HECTD4: variants seen among roughly 807,000 people sequenced by gnomAD.
HECTD4 encodes the protein HECT domain E3 ubiquitin protein ligase 4.
A neutral mutation model predicts 471.5 loss-of-function variants in HECTD4; 114 were observed. That is an observed-to-expected ratio of 0.24 (90% CI 0.21 to 0.28). The LOEUF (loss-of-function observed/expected upper bound fraction) is 0.28. Among genes scored for constraint, HECTD4 ranks in the 10% least tolerant of loss-of-function variants. The pLI, the probability that HECTD4 is intolerant of heterozygous loss-of-function variation, is 1.00. For missense variants in HECTD4, 3,866 were observed against 5,651.5 expected, an observed-to-expected ratio of 0.68 and a Z score of 10.13; for synonymous variants, 2,012 against 2,256.0, an observed-to-expected ratio of 0.89 and a Z score of 3.07.
chr12:112,162,952 C>T lies in HECTD4; in HGVS notation c.13120+90G>A. 1 of 1,058,574 alleles carries T rather than the reference C, an allele frequency of 9.4e-7. No individual in the cohort carries two copies. The highest frequency in any genetic ancestry group is 1.4e-6 in the Non-Finnish European group (1 of 714,224). The allele number at this position is 1,058,574 out of a possible 1,614,324, so 65.6% of individuals were successfully genotyped here. ...GCACGTGGGGCTCCTGTTCATTGTT[C>T]TCCCTTCACATGGGGCCTGGCAGCC... On this transcript the variant is annotated intron_variant, in intron 75 of 75. Coordinates refer to ENST00000682272, the MANE Select transcript of HECTD4 (RefSeq NM_001388303.1). This position sits in a 1 kb window ranked among gnomAD's most constrained non-coding sequence, Gnocchi z 5.2.
intron 51 of HECTD4, among the ~76,000 whole-genome samples, 166 bp downstream of exon 51, chr12:112,208,328 G>A (rs1259348468): frequency 6.6e-6 from 1 of 152,220 alleles, no homozygotes; most frequent in Non-Finnish European, 1.5e-5. Flanking sequence ...TAGGGGTTTA[G>A]AAAAATTAAC....
rs373999906 is a variant in HECTD4, at chr12:112,290,239, G to C, written c.1336-6937C>G. 1.4e-3 allele frequency among the ~76,000 whole-genome samples: 210 copies of C among 151,516 alleles called. 4 individuals carry two copies. In the South Asian group the frequency reaches 0.017, roughly 12 times the overall value. On this transcript the variant is annotated intron_variant, in intron 7 of 75. Transcript: ENST00000682272. ...GGGAGGCTAGGTGAGAGGATCACTT[G>C]AGCCCGGGAGGTTGAGGCTACAGTA...
rs552705087 is a variant in HECTD4 at position 112,243,716 on chromosome 12, C to T, written c.4695G>A (p.Leu1565=). 1.4e-4 allele frequency: 218 copies of T among 1,613,954 alleles called. 1 individual carries two copies. In the South Asian group the frequency reaches 2.3e-3, roughly 17 times the overall value. Residue 1565 remains leucine, a synonymous_variant, in exon 31 of 76, where the codon CTG becomes CTA. Coordinates refer to ENST00000682272, the MANE Select transcript of HECTD4 (RefSeq NM_001388303.1). This position sits in a 1 kb window ranked among gnomAD's most constrained non-coding sequence, Gnocchi z 6.6. The part of the protein sequence containing the change: ...TSHRSSSFTL[L]QSLAIEDSRD... ...TGCTGTCCTCAATGGCCAGCGACTG[C>T]AGGAGTGTAAAGGAGCTGCTGCGGT...
intron 38 of HECTD4, among the ~76,000 whole-genome samples, chr12:112,232,365 G>C (rs919803912): frequency 1.3e-5 from 2 of 152,138 alleles, no homozygotes; most frequent in Non-Finnish European, 2.9e-5. Flanking sequence ...CCTGACCTCA[G>C]GTGATCCACC....
chr12:112,381,841 C>T lies in HECTD4; in HGVS notation c.177+111G>A, dbSNP rs568559183. Reference sequence around the variant, plus strand: ...GCCCCGCGCCCACACACACCTGCCCCGGCAGCCGCCGGGAGGCGAGGCCGC... The same window carrying T: ...GCCCCGCGCCCACACACACCTGCCCTGGCAGCCGCCGGGAGGCGAGGCCGC... On this transcript the variant is annotated intron_variant, in intron 1 of 75. Coordinates refer to ENST00000682272, the MANE Select transcript of HECTD4 (RefSeq NM_001388303.1). This position sits in a 1 kb window ranked among gnomAD's most constrained non-coding sequence, Gnocchi z 4.1. The T allele has an allele frequency of 9.2e-6, 7 of 759,998 alleles. No homozygotes were observed. Among genetic ancestry groups the T allele is most frequent in the Non-Finnish European group, 1.2e-5 (7 of 565,798 alleles). The allele number at this position is 759,998 out of a possible 1,614,324, so 47.1% of individuals were successfully genotyped here.
chr12:112,296,518 T>A (rs1443942127), intron 7 of HECTD4, among the ~76,000 whole-genome samples: 1 of 149,462 alleles, frequency 6.7e-6, no homozygotes. Context: ...GTGCAGAGGG[T>A]GTAGGTGCAG....
intron 6 of HECTD4, among the ~76,000 whole-genome samples, chr12:112,306,539 A>G (rs1346774822): frequency 6.6e-6 from 1 of 152,256 alleles, no homozygotes; most frequent in African/African-American, 2.4e-5. Context: ...TCTGTTATGC[A>G]TATGTGTTGT....
intron 13 of HECTD4, chr12:112,267,241 G>C: frequency 2.2e-6 from 1 of 444,586 alleles, no homozygotes; most frequent in Non-Finnish European, 4.0e-6. Flanking sequence ...ATCCCCGATA[G>C]AGGAGGACCG....
In HECTD4 at chr12:112,213,704, A is replaced by G. The variant is rs183463081; in HGVS notation, c.7466-1054T>C. On this transcript the variant is annotated intron_variant, in intron 48 of 75. Transcript: ENST00000682272. This position sits in a 1 kb window ranked among gnomAD's most constrained non-coding sequence, Gnocchi z 4.0. ...CCGTCTCAAAAAAATATATACATAT[A>G]TATATATATATATATAATATATATA... Among the ~76,000 whole-genome samples, 48 of 145,354 alleles carry G rather than the reference A, an allele frequency of 3.3e-4. No homozygotes were observed. The highest frequency in any genetic ancestry group is 3.5e-4 in the Admixed American group (5 of 14,340).
At chr12:112,244,432 G>A (rs897387895) in intron 29 of HECTD4, among the ~76,000 whole-genome samples, 7 of 152,216 alleles carry the variant, frequency 4.6e-5, no homozygotes, top group Admixed American at 3.9e-4. Context: ...GCAGTGGTGT[G>A]ATCTCAGCTT....
Position 112,382,401 on chromosome 12 carries a change from G to A in HECTD4, c.-273C>T. On this transcript the variant is annotated 5_prime_UTR_variant, in exon 1 of 76. Coordinates refer to ENST00000682272, the MANE Select transcript of HECTD4 (RefSeq NM_001388303.1). ...CGCCTCTGCCGCTCGGCAACCAACT[G>A]TCAGTGAGACGCCATGTTGGGGGCG... 1 of 319,204 alleles carries A rather than the reference G, an allele frequency of 3.1e-6. No individual in the cohort carries two copies. The highest frequency in any genetic ancestry group is 5.5e-6 in the Non-Finnish European group (1 of 180,190). 19.8% of individuals were successfully genotyped at this position (319,204 alleles called of 1,614,324 possible).
chr12:112,184,327 CCAGGCTGCCGGTGCTGCA>C lies in HECTD4; in HGVS notation c.10621_10638del (p.Cys3541_Leu3546del), dbSNP rs1476750548. On this transcript the variant is annotated inframe_deletion, in exon 61 of 76. Transcript: ENST00000682272. This position sits in a 1 kb window ranked among gnomAD's most constrained non-coding sequence, Gnocchi z 9.1. ...GGCTCCCCCAGGCTGCCCAGGCTGC[CCAGGCTGCCGGTGCTGCA>C]CAGGGAAATGTCCAGGCTTTCCTGG... 4.3e-6 allele frequency: 7 copies of C among 1,613,248 alleles called. No homozygotes were observed. The highest frequency in any genetic ancestry group is 5.9e-6 in the Non-Finnish European group (7 of 1,179,854).
chr12:112,347,074 G>A (rs1308213500), intron 1 of HECTD4, among the ~76,000 whole-genome samples: 1 of 151,812 alleles, frequency 6.6e-6, no homozygotes. Context: ...CTCTGGCCTC[G>A]ACTTTTCATG....
Position 112,171,108 on chromosome 12 carries a change from G to GGCACTGA in HECTD4, c.11932+2_11932+8dup, listed in dbSNP as rs1439802464. The GGCACTGA allele has an allele frequency of 1.2e-6, 2 of 1,610,072 alleles. No individual in the cohort carries two copies. The highest frequency in any genetic ancestry group is 1.7e-6 in the Non-Finnish European group (2 of 1,177,690). On this transcript the variant is annotated intron_variant, in intron 68 of 75. Coordinates refer to ENST00000682272, the MANE Select transcript of HECTD4 (RefSeq NM_001388303.1). Reference sequence around the variant, plus strand: ...TTCCTGCAGGGCCAGGGCAGGTGCAGGCACTGACCTTTGGCCTCCTTCAGC... The same window carrying GGCACTGA: ...TTCCTGCAGGGCCAGGGCAGGTGCAGGCACTGAGCACTGACCTTTGGCCTCCTTCAGC...
At chr12:112,349,843 T>C (rs1247213857) in intron 1 of HECTD4, among the ~76,000 whole-genome samples, 1 of 152,252 alleles carries the variant, frequency 6.6e-6, no homozygotes, top group Admixed American at 6.5e-5. Flanking sequence ...TTAAGGAGCC[T>C]ACTTAATTCT....
intron 68 of HECTD4, 78 bp downstream of exon 68, chr12:112,171,039 T>C: frequency 7.7e-7 from 1 of 1,291,194 alleles, no homozygotes. Flanking sequence ...CCAAGGACGC[T>C]GCCCGTGGAT....
rs1218759107 is a variant in HECTD4 at position 112,173,175 on chromosome 12, GC to G, written c.11595-315del. Among the ~76,000 whole-genome samples, 1 of 152,106 alleles carries G rather than the reference GC, an allele frequency of 6.6e-6. No homozygotes were observed. The highest frequency in any genetic ancestry group is 1.5e-5 in the Non-Finnish European group (1 of 68,014). Reference sequence around the variant, plus strand: ...GAAGGAGGAGCTCCTAATAGCATCAGCCTGCAGTGTGTCACACAACTTTTTT... The same window carrying G: ...GAAGGAGGAGCTCCTAATAGCATCAGCTGCAGTGTGTCACACAACTTTTTT... On this transcript the variant is annotated intron_variant, in intron 66 of 75. Coordinates refer to ENST00000682272, the MANE Select transcript of HECTD4 (RefSeq NM_001388303.1). This position sits in a 1 kb window ranked among gnomAD's most constrained non-coding sequence, Gnocchi z 4.3.
intron 1 of HECTD4, among the ~76,000 whole-genome samples, chr12:112,328,056 CT>C (rs2035780534): frequency 6.6e-6 from 1 of 152,138 alleles, no homozygotes; most frequent in African/African-American, 2.4e-5. Context: ...GGAATTTATA[CT>C]TGGATTATTT....
At chr12:112,205,359 G>A (rs893579232) in intron 52 of HECTD4, among the ~76,000 whole-genome samples, 32 of 151,824 alleles carry the variant, frequency 2.1e-4, no homozygotes, top group African/African-American at 6.8e-4. Context: ...GTTTGAACCC[G>A]GGAGGTGGAG....
Sources: gnomAD v4.1 joint callset for allele counts (sites outside exome capture counted in the v4.1 genomes callset) on GRCh38, gnomAD v4.1.1 for gene constraint, Gnocchi (gnomAD v3.1) non-coding constraint, MANE v1.5 for transcripts, NCBI Gene and HGNC (gene_info 2026-07-23, HGNC 2026-07-21) for gene names.